ADCY6: variants seen among roughly 807,000 people sequenced by gnomAD.
The protein encoded by ADCY6 is adenylate cyclase 6, also known as adenylate cyclase type 6.
A neutral mutation model predicts 111.6 loss-of-function variants in ADCY6; 59 were observed. That is an observed-to-expected ratio of 0.53 (90% CI 0.43 to 0.66). The LOEUF (loss-of-function observed/expected upper bound fraction) is 0.66. Among genes scored for constraint, ADCY6 ranks in the 30% least tolerant of loss-of-function variants. The pLI is 0.00. For synonymous variants in ADCY6, 576 were observed against 642.9 expected (o/e 0.90, Z 1.57); for missense variants, 1,242 against 1,595.6 (o/e 0.78, Z 3.78).
chr12:48,773,343 C>T, intron 16 of ADCY6, 126 bp downstream of exon 16: 1 of 1,098,290 alleles, frequency 9.1e-7, no homozygotes, highest in Non-Finnish European at 1.3e-6. Context: ...CCATCTCCTC[C>T]CTTTCCCCCA....
At chr12:48,780,329 T>C (rs1941810638) in intron 2 of ADCY6, among the ~76,000 whole-genome samples, 1 of 152,062 alleles carries the variant, frequency 6.6e-6, no homozygotes, top group Non-Finnish European at 1.5e-5. Context: ...GTCTCCTTCC[T>C]GTGATTGTGA....
rs1366962474 is a variant in ADCY6, at chr12:48,777,902, C to T, written c.1015-166G>A. Among the ~76,000 whole-genome samples the T allele has an allele frequency of 6.6e-6, 1 of 152,170 alleles. No homozygotes were observed. The highest frequency in any genetic ancestry group is 1.5e-5 in the Non-Finnish European group (1 of 68,022). On this transcript the variant is annotated intron_variant, in intron 3 of 21. Transcript: ENST00000357869. The surrounding 1 kb of genome is among the most constrained non-coding windows in gnomAD (Gnocchi z 4.9). The stretch of plus-strand genomic sequence containing the variant: ...CCCATCAGAGCCCCCTCTGACCACC[C>T]TCCATTGAGCCCCCAGATGTGCTCC...
In ADCY6 at chr12:48,774,982, A is replaced by G; in HGVS notation, c.2053T>C (p.Phe685Leu). Residue 685 changes from phenylalanine to leucine, a missense_variant, in exon 12 of 22, where the codon TTC becomes CTC. By Grantham distance (22) the Phe-to-Leu change is conservative. Transcript: ENST00000357869. ...CALLVFCFIC[F>L]IQLLIFPHST... The stretch of plus-strand genomic sequence containing the variant: ...TGTGGGAAGATGAGAAGCTGGATGA[A>G]GCAGATGAAGCAGAAGACCAACAGG... The G allele has an allele frequency of 1.9e-6, 3 of 1,556,974 alleles. No individual in the cohort carries two copies. Among genetic ancestry groups the G allele is most frequent in the Non-Finnish European group, 2.6e-6 (3 of 1,149,970 alleles).
Position 48,768,287 on chromosome 12 carries a change from A to C in ADCY6, c.*304T>G. On this transcript the variant is annotated 3_prime_UTR_variant, in exon 22 of 22. Coordinates refer to ENST00000357869, the MANE Select transcript of ADCY6 (RefSeq NM_015270.5). ...CTGCCATTTTAATCCCTCAGGCAAG[A>C]GGCCTCCCTCTGCTTCTGCTACTGA... 6.5e-6 allele frequency: 3 copies of C among 460,100 alleles called. No individual in the cohort carries two copies. Among genetic ancestry groups the C allele is most frequent in the Non-Finnish European group, 1.2e-5 (3 of 250,572 alleles). The allele number at this position is 460,100 out of a possible 1,614,324, so 28.5% of individuals were successfully genotyped here.
chr12:48,771,465 C>T lies in ADCY6; in HGVS notation c.3051+245G>A, dbSNP rs1941539084. 3 of 634,024 alleles carry T rather than the reference C, an allele frequency of 4.7e-6. 1 individual carries two copies. In the Admixed American group the frequency reaches 7.0e-5, roughly 15 times the overall value. The allele number at this position is 634,024 out of a possible 1,614,324, so 39.3% of individuals were successfully genotyped here. A position where few individuals can be genotyped will look rare whatever the true frequency, so the allele number is the denominator to read the frequency against. ...ATCCACCTGGTACCTATCCTATCCCCCTACAGATCAAGTCCTCCCCTGCTC... is the reference window on the plus strand; with the variant it reads ...ATCCACCTGGTACCTATCCTATCCCTCTACAGATCAAGTCCTCCCCTGCTC... On this transcript the variant is annotated intron_variant, in intron 19 of 21. Coordinates refer to ENST00000357869, the MANE Select transcript of ADCY6 (RefSeq NM_015270.5). This position sits in a 1 kb window ranked among gnomAD's most constrained non-coding sequence, Gnocchi z 4.3.
At position 48,771,045 on chromosome 12, in the gene ADCY6, C is replaced by A; in HGVS notation, c.3052-75G>T. ...GCCCTGCCCCAACACTCATTTCTTGCCACGCCTTGGCTGCCTTCCCCACTT... is the reference window on the plus strand; with the variant it reads ...GCCCTGCCCCAACACTCATTTCTTGACACGCCTTGGCTGCCTTCCCCACTT... On this transcript the variant is annotated intron_variant, in intron 19 of 21. Transcript: ENST00000357869. This position sits in a 1 kb window ranked among gnomAD's most constrained non-coding sequence, Gnocchi z 4.3. 1 of 1,464,288 alleles carries A rather than the reference C, an allele frequency of 6.8e-7. No individual in the cohort carries two copies. The highest frequency in any genetic ancestry group is 1.9e-5 in the Admixed American group (1 of 52,726). The allele number at this position is 1,464,288 out of a possible 1,614,324, so 90.7% of individuals were successfully genotyped here. A position where few individuals can be genotyped will look rare whatever the true frequency, so the allele number is the denominator to read the frequency against.
rs1186444842 is a variant in ADCY6 at position 48,777,430 on chromosome 12, G to A, written c.1228C>T (p.Arg410Trp). The A allele has an allele frequency of 1.2e-6, 2 of 1,613,348 alleles. No homozygotes were observed. The highest frequency in any genetic ancestry group is 1.7e-5 in the Admixed American group (1 of 59,970). ...LVMTLNELFA[R>W]FDKLAAENHC... ...CTCACCGCAGCCAGCTTGTCAAACCGGGCAAAGAGCTCATTCAGGGTCATG... is the reference window on the plus strand; with the variant it reads ...CTCACCGCAGCCAGCTTGTCAAACCAGGCAAAGAGCTCATTCAGGGTCATG... The change falls in exon 5 of 22, where the codon CGG becomes TGG. Residue 410 changes from arginine (R) to tryptophan (W), a missense_variant. Around this residue, in one of 4 missense-constraint regions of ADCY6, gnomAD observed 260 missense variants for 414.6 expected, o/e 0.63. Transcript: ENST00000357869. This position sits in a 1 kb window ranked among gnomAD's most constrained non-coding sequence, Gnocchi z 4.9.
At position 48,778,015 on chromosome 12, in the gene ADCY6, T is replaced by G. The variant is rs529597140; in HGVS notation, c.1014+93A>C. The G allele has an allele frequency of 5.4e-6, 8 of 1,493,442 alleles. No homozygotes were observed. The East Asian group carries it at 1.7e-4, about 32-fold the overall frequency. 92.5% of individuals were successfully genotyped at this position (1,493,442 alleles called of 1,614,324 possible). A position where few individuals can be genotyped will look rare whatever the true frequency, so the allele number is the denominator to read the frequency against. On this transcript the variant is annotated intron_variant, in intron 3 of 21. Coordinates refer to ENST00000357869, the MANE Select transcript of ADCY6 (RefSeq NM_015270.5). ...ACAACCCAGGGGAACCATCACACTG[T>G]GCTGCACGGAACTGGACAAGGCAGC... is the stretch of plus-strand genomic sequence containing the variant.
intron 15 of ADCY6, 84 bp from the exon 16 acceptor site, chr12:48,773,731 G>C: frequency 6.4e-7 from 1 of 1,554,428 alleles, no homozygotes; most frequent in Middle Eastern, 1.7e-4. Context: ...TCTCCTGCCT[G>C]ACCTAACCTT....
chr12:48,775,228 C>T, intron 11 of ADCY6, 75 bp downstream of exon 11: 1 of 1,593,400 alleles, frequency 6.3e-7, no homozygotes, highest in Non-Finnish European at 8.6e-7. Flanking sequence ...CCTGTGCCCT[C>T]ACCTGTGCTC....
intron 21 of ADCY6, 96 bp from the exon 22 acceptor site, chr12:48,768,812 C>A: frequency 1.3e-6 from 2 of 1,557,314 alleles, no homozygotes; most frequent in Admixed American, 1.8e-5. Context: ...CTCCCTTCCC[C>A]CAGTCCCTGC....
chr12:48,777,176 C>G lies in ADCY6; in HGVS notation c.1304G>C (p.Gly435Ala), dbSNP rs1941726253. ...ATGGTCGGCCCGGGCCTCCGGCAGC[C>G]CTGACACACAGTAGTAACAGTCCCC... ...ILGDCYYCVS[G>A]LPEARADHAH... The change falls in exon 6 of 22, where the codon GGG becomes GCG. Residue 435 changes from glycine (G) to alanine (A), a missense_variant. This residue lies in a region of ADCY6 where 260 missense variants were observed against 414.6 expected (regional missense o/e 0.63). Coordinates refer to ENST00000357869, the MANE Select transcript of ADCY6 (RefSeq NM_015270.5). This position sits in a 1 kb window ranked among gnomAD's most constrained non-coding sequence, Gnocchi z 4.9. 1.2e-6 allele frequency: 2 copies of G among 1,614,026 alleles called. No homozygotes were observed. The highest frequency in any genetic ancestry group is 1.1e-5 in the South Asian group (1 of 91,086).
At chr12:48,789,919 G>A (rs1174726467), upstream of ADCY6, 1 of 152,318 alleles carries the variant, frequency 6.6e-6, no homozygotes, top group African/African-American at 2.4e-5. Flanking sequence ...GTGCTTCTCT[G>A]CTGGGGGTTG....
chr12:48,783,689 T>G, intron 1 of ADCY6: 1 of 756,476 alleles, frequency 1.3e-6, no homozygotes. Flanking sequence ...ACACCTGTAA[T>G]CCCAGCACTT....
chr12:48,775,616 C>T (rs1416223400), intron 10 of ADCY6, 57 bp downstream of exon 10: 16 of 1,593,838 alleles, frequency 1.0e-5, no homozygotes, highest in African/African-American at 1.3e-5. Flanking sequence ...ATCTCGGCTC[C>T]CCCCAGCCCC....
intron 1 of ADCY6, among the ~76,000 whole-genome samples, chr12:48,788,516 C>T (rs1309655970): frequency 6.6e-6 from 1 of 152,106 alleles, no homozygotes; most frequent in Non-Finnish European, 1.5e-5. Flanking sequence ...ATCCCTCCCT[C>T]TGCCCAGGCC....
chr12:48,773,246 T>G (rs1941598339), intron 16 of ADCY6, among the ~76,000 whole-genome samples: 1 of 152,090 alleles, frequency 6.6e-6, no homozygotes, highest in Non-Finnish European at 1.5e-5. Context: ...ATTTTTTTTT[T>G]TAATGTCTAG....
chr12:48,788,527 G>A (rs142975307), intron 1 of ADCY6, among the ~76,000 whole-genome samples: 2 of 151,990 alleles, frequency 1.3e-5, no homozygotes, highest in African/African-American at 4.8e-5. Flanking sequence ...TGCCCAGGCC[G>A]GTTCCTCTCC....
At position 48,782,798 on chromosome 12, in the gene ADCY6, A is replaced by G; in HGVS notation, c.637T>C (p.Tyr213His). Reference protein sequence around the residue: ...FRQDSMWVVSYVVLGILAAVQ... With the variant: ...FRQDSMWVVSHVVLGILAAVQ... Reference sequence around the variant, plus strand: ...GCCGCCAGGATGCCCAGCACCACGTAGCTCACCACCCACATGGAGTCCTGG... The same window carrying G: ...GCCGCCAGGATGCCCAGCACCACGTGGCTCACCACCCACATGGAGTCCTGG... The change falls in exon 2 of 22, where the codon TAC becomes CAC. Residue 213 changes from tyrosine to histidine, a missense_variant. Physicochemically the swap from Tyr to His is moderately conservative, Grantham distance 83. Around this residue, in one of 4 missense-constraint regions of ADCY6, gnomAD observed 362 missense variants for 377.2 expected, o/e 0.96. Transcript: ENST00000357869. This position sits in a 1 kb window ranked among gnomAD's most constrained non-coding sequence, Gnocchi z 4.3. The G allele has an allele frequency of 6.2e-7, 1 of 1,613,956 alleles. No individual in the cohort carries two copies. Among genetic ancestry groups the G allele is most frequent in the South Asian group, 1.1e-5 (1 of 91,074 alleles).
Sources: gnomAD v4.1 joint callset for allele counts (sites outside exome capture counted in the v4.1 genomes callset) on GRCh38, gnomAD v4.1.1 for gene constraint, gnomAD v4.1.1 regional missense constraint, Gnocchi (gnomAD v3.1) non-coding constraint, MANE v1.5 for transcripts, NCBI Gene and HGNC (gene_info 2026-07-23, HGNC 2026-07-21) for gene names.